Variants in VWA8 observed in about 807,000 individuals in gnomAD.
VWA8 encodes the protein von Willebrand factor A domain-containing protein 8.
In VWA8, 221 loss-of-function variants were observed where a neutral mutation model predicts 241.5. The ratio of observed to expected loss-of-function variants is 0.91; its 90% CI spans 0.82 to 1.02. The LOEUF is 1.02. VWA8 is among the 50% of genes least tolerant of loss of function. The pLI, the probability that VWA8 is intolerant of heterozygous loss-of-function variation, is 0.00. For synonymous variants in VWA8, 852 were observed against 827.1 expected (o/e 1.03, Z -0.52); for missense variants, 2,322 against 2,328.7 (o/e 1.00, Z 0.06).
At chr13:41,921,246 G>T (rs572318277) in intron 2 of VWA8, among the ~76,000 whole-genome samples, 2 of 152,148 alleles carry the variant, frequency 1.3e-5, no homozygotes, top group East Asian at 3.8e-4. Context: ...AGCCCTTCAT[G>T]CTAAAAACTC....
At chr13:41,608,993 G>A (rs1490372559) in intron 39 of VWA8, among the ~76,000 whole-genome samples, 2 of 152,176 alleles carry the variant, frequency 1.3e-5, no homozygotes, top group African/African-American at 2.4e-5. Flanking sequence ...GGACTGCCTA[G>A]TTTCAGCCAG....
Position 41,811,215 on chromosome 13 carries a change from A to C in VWA8, c.2063+10T>G. On this transcript the variant is annotated intron_variant, in intron 17 of 44. Transcript: ENST00000379310. ...AGAAACTTACACGCAGTGAGAAAGAATATGTTTACCTGGAAAGGCAGGCTT... is the reference window on the plus strand; with the variant it reads ...AGAAACTTACACGCAGTGAGAAAGACTATGTTTACCTGGAAAGGCAGGCTT... 1.3e-6 allele frequency: 2 copies of C among 1,595,262 alleles called. No homozygotes were observed.
chr13:41,617,374 C>T (rs1369849318), intron 37 of VWA8, among the ~76,000 whole-genome samples: 1 of 152,148 alleles, frequency 6.6e-6, no homozygotes, highest in Non-Finnish European at 1.5e-5. Flanking sequence ...CCGCCTTGGC[C>T]TCCCAAAGTG....
chr13:41,815,806 G>A (rs1870665389), intron 16 of VWA8, among the ~76,000 whole-genome samples: 1 of 152,172 alleles, frequency 6.6e-6, no homozygotes, highest in East Asian at 1.9e-4. Context: ...GGTAAAGAAG[G>A]CAGTCAAGAG....
chr13:41,691,398 A>C lies in VWA8; in HGVS notation c.3788T>G (p.Ile1263Ser). 1 of 1,612,826 alleles carries C rather than the reference A, an allele frequency of 6.2e-7. No individual in the cohort carries two copies. The highest frequency in any genetic ancestry group is 8.5e-7 in the Non-Finnish European group (1 of 1,179,096). Residue 1263 changes from isoleucine (I) to serine (S), a missense_variant, in exon 32 of 45, where the codon ATC becomes AGC. Coordinates refer to ENST00000379310, the MANE Select transcript of VWA8 (RefSeq NM_015058.2). The part of the protein sequence containing the change: ...LDVLEGRTHT[I>S]SLPINLKTVF... ...TGTCTTGAGGTTGATGGGAAGTGAG[A>C]TGGTGTGAGTTCGCCCTTCTAGAAC...
At chr13:41,950,301 T>C (rs986837585) in intron 1 of VWA8, among the ~76,000 whole-genome samples, 3 of 152,058 alleles carry the variant, frequency 2.0e-5, no homozygotes, top group African/African-American at 7.2e-5. Flanking sequence ...AACATTAATA[T>C]AGGCAAAAGC....
rs372490503 is a variant in VWA8 at position 41,605,150 on chromosome 13, C to T, written c.4986+18G>A. On this transcript the variant is annotated intron_variant, in intron 40 of 44. Coordinates refer to ENST00000379310, the MANE Select transcript of VWA8 (RefSeq NM_015058.2). ...TTTGGGCCCAGGTTATTTTCTTGGTCCATAAGTAGAAGATTACCTGTAAAT... is the reference window on the plus strand; with the variant it reads ...TTTGGGCCCAGGTTATTTTCTTGGTTCATAAGTAGAAGATTACCTGTAAAT... 8 of 1,609,882 alleles carry T rather than the reference C, an allele frequency of 5.0e-6. No homozygotes were observed. The African/African-American group carries it at 5.4e-5, about 11-fold the overall frequency.
intron 21 of VWA8, among the ~76,000 whole-genome samples, chr13:41,749,555 CGTATGTTTACT>C (rs199811036): frequency 0.033 from 4,994 of 152,124 alleles, 270 homozygotes; most frequent in African/African-American, 0.11. Flanking sequence ...CACATGCACA[CGTATGTTTACT>C]GCGGCACCAC....
At chr13:41,649,435 A>C (rs965695536) in intron 37 of VWA8, among the ~76,000 whole-genome samples, 16 of 152,170 alleles carry the variant, frequency 1.1e-4, no homozygotes, top group East Asian at 3.8e-4. Context: ...GCAAAGGAAT[A>C]AATAGGTTTA....
intron 36 of VWA8, among the ~76,000 whole-genome samples, chr13:41,674,924 T>C (rs143333390): frequency 2.5e-3 from 384 of 152,258 alleles, no homozygotes; most frequent in African/African-American, 8.9e-3. Context: ...ATACTAAAAA[T>C]GCTATTCAGA....
chr13:41,603,177 T>C (rs2044532636), intron 40 of VWA8, among the ~76,000 whole-genome samples: 1 of 152,180 alleles, frequency 6.6e-6, no homozygotes, highest in Non-Finnish European at 1.5e-5. Context: ...TACTTGTTGC[T>C]TTTACCTGAG....
chr13:41,668,285 C>CCTTT (rs1380942444), intron 37 of VWA8, among the ~76,000 whole-genome samples: 1 of 152,078 alleles, frequency 6.6e-6, no homozygotes, highest in Non-Finnish European at 1.5e-5. Flanking sequence ...AGTGTATAAG[C>CCTTT]CTTTCATTGC....
chr13:41,615,584 T>C (rs2139663539), intron 37 of VWA8, among the ~76,000 whole-genome samples: 1 of 152,364 alleles, frequency 6.6e-6, no homozygotes, highest in East Asian at 1.9e-4. Context: ...AAGTTATGTA[T>C]GTATGCCTTA....
intron 21 of VWA8, among the ~76,000 whole-genome samples, chr13:41,758,057 T>A (rs2045706517): frequency 6.6e-6 from 1 of 151,272 alleles, no homozygotes; most frequent in African/African-American, 2.4e-5. Context: ...GAATGAACAC[T>A]ATATAGCAGA....
intron 37 of VWA8, among the ~76,000 whole-genome samples, chr13:41,642,816 C>A (rs1309607781): frequency 6.6e-6 from 1 of 151,866 alleles, no homozygotes; most frequent in African/African-American, 2.4e-5. Context: ...GTGGTCCCAG[C>A]TACTCGGGAG....
chr13:41,915,672 G>A (rs373996053), intron 2 of VWA8, among the ~76,000 whole-genome samples: 2 of 152,266 alleles, frequency 1.3e-5, no homozygotes, highest in East Asian at 1.9e-4. Flanking sequence ...AACTTTTAGC[G>A]AGGAAATCAG....
chr13:41,584,048 G>A (rs1176686510), intron 42 of VWA8, among the ~76,000 whole-genome samples: 4 of 152,142 alleles, frequency 2.6e-5, no homozygotes, highest in Admixed American at 6.5e-5. Flanking sequence ...TTTGGGGGCG[G>A]GGGTAGAGAG....
intron 2 of VWA8, among the ~76,000 whole-genome samples, chr13:41,922,633 C>A (rs1876606164): frequency 6.6e-6 from 1 of 152,128 alleles, no homozygotes; most frequent in African/African-American, 2.4e-5. Flanking sequence ...AGGATATGAA[C>A]AGACACTTCT....
intron 12 of VWA8, 142 bp from the exon 13 acceptor site, chr13:41,833,673 T>A (rs1871585792): frequency 2.8e-6 from 3 of 1,053,948 alleles, no homozygotes; most frequent in Non-Finnish European, 3.7e-6. Context: ...CTTCTCCAAT[T>A]CCTAAAACGA....
Sources: allele counts gnomAD v4.1 joint callset (sites outside exome capture counted in the v4.1 genomes callset), GRCh38; gene constraint gnomAD v4.1.1; transcripts MANE v1.5; gene names NCBI Gene and HGNC (gene_info 2026-07-23, HGNC 2026-07-21).